ADAM32: variants seen among roughly 807,000 people sequenced by gnomAD.
ADAM32 encodes the protein ADAM metallopeptidase domain 32.
In ADAM32, 89 loss-of-function variants were observed where a neutral mutation model predicts 114.9. The observed-to-expected ratio is 0.77, with a 90% CI of 0.65 to 0.92. The LOEUF (loss-of-function observed/expected upper bound fraction) is 0.92, where lower values mean the gene tolerates loss of function less well. ADAM32 is among the 40% of genes least tolerant of loss of function. The pLI is 0.00. For missense variants in ADAM32, 870 were observed against 932.8 expected (o/e 0.93, Z 0.88); for synonymous variants, 285 against 307.5 (o/e 0.93, Z 0.77).
At chr8:39,228,025 G>A (rs1809501973) in intron 14 of ADAM32, among the ~76,000 whole-genome samples, 1 of 152,190 alleles carries the variant, frequency 6.6e-6, no homozygotes, top group Non-Finnish European at 1.5e-5. Flanking sequence ...ACACCCACCA[G>A]TACCAGCCTG....
At position 39,247,469 on chromosome 8, in the gene ADAM32, A is replaced by G. The variant is rs187474884; in HGVS notation, c.1902+1303A>G. On this transcript the variant is annotated intron_variant, in intron 17 of 24. Coordinates refer to ENST00000379907, the MANE Select transcript of ADAM32 (RefSeq NM_145004.7). The stretch of plus-strand genomic sequence containing the variant: ...TGATGACATATGTGAGGCATATTTC[A>G]TATACTTATTTTCCATCTATTTTTT... 5.2e-3 allele frequency among the ~76,000 whole-genome samples: 796 copies of G among 152,188 alleles called. 6 individuals are homozygous for G. The highest frequency in any genetic ancestry group is 0.018 in the African/African-American group (763 of 41,540).
intron 3 of ADAM32, among the ~76,000 whole-genome samples, chr8:39,137,102 C>T (rs991579076): frequency 1.3e-5 from 2 of 152,164 alleles, no homozygotes; most frequent in Non-Finnish European, 2.9e-5. Context: ...TAATACAGAC[C>T]TTATAGTGTT....
chr8:39,198,982 G>T (rs4733909), intron 11 of ADAM32, among the ~76,000 whole-genome samples: 150,790 of 152,340 alleles, frequency 0.99, 74,641 homozygotes, highest in Middle Eastern at 1. Context: ...CTTTGCTGTG[G>T]ATAATATTCT....
intron 15 of ADAM32, among the ~76,000 whole-genome samples, chr8:39,233,557 C>T (rs1419168077): frequency 1.3e-5 from 2 of 152,054 alleles, no homozygotes; most frequent in Non-Finnish European, 2.9e-5. Context: ...AGCTTATGAC[C>T]TGTATCTTAT....
rs1055597633 is a variant in ADAM32 at position 39,199,057 on chromosome 8, G to A, written c.1052+12012G>A. ...CTTTCATTCTCTCCTGGCCTATAAGGTTTCTGCTGAGAAATCTACATTTAT... is the reference window on the plus strand; with the variant it reads ...CTTTCATTCTCTCCTGGCCTATAAGATTTCTGCTGAGAAATCTACATTTAT... On this transcript the variant is annotated intron_variant, in intron 11 of 24. Transcript: ENST00000379907. Among the ~76,000 whole-genome samples, 4 of 152,190 alleles carry A rather than the reference G, an allele frequency of 2.6e-5. No individual in the cohort carries two copies. The East Asian group carries it at 7.7e-4, about 29-fold the overall frequency.
At chr8:39,234,152 A>G (rs1277644375) in intron 16 of ADAM32, 70 bp downstream of exon 16, 2 of 1,121,962 alleles carry the variant, frequency 1.8e-6, no homozygotes, top group Admixed American at 4.0e-5. Flanking sequence ...TTTAAGTATC[A>G]AATTTTAATT....
intron 17 of ADAM32, among the ~76,000 whole-genome samples, chr8:39,253,512 T>C (rs1355152186): frequency 6.6e-6 from 1 of 151,628 alleles, no homozygotes; most frequent in Non-Finnish European, 1.5e-5. Context: ...CATGATTGTA[T>C]ACACAGGAAA....
intron 10 of ADAM32, among the ~76,000 whole-genome samples, chr8:39,185,625 A>G (rs1309650498): frequency 7.9e-5 from 12 of 152,226 alleles, no homozygotes; most frequent in African/African-American, 2.4e-4. Context: ...GTCTAATTTC[A>G]GTTAACATGA....
chr8:39,173,184 G>A (rs753723244), intron 10 of ADAM32, among the ~76,000 whole-genome samples: 1 of 152,206 alleles, frequency 6.6e-6, no homozygotes, highest in Non-Finnish European at 1.5e-5. Flanking sequence ...CTTGAACCTG[G>A]GAGGCAGAGG....
intron 2 of ADAM32, among the ~76,000 whole-genome samples, chr8:39,125,084 A>C (rs1448921904): frequency 6.6e-6 from 1 of 152,146 alleles, no homozygotes; most frequent in African/African-American, 2.4e-5. Context: ...TGATTTGCGT[A>C]TCTCAAATGA....
chr8:39,129,792 C>T, intron 2 of ADAM32: 1 of 291,970 alleles, frequency 3.4e-6, no homozygotes, highest in African/African-American at 2.2e-5. Flanking sequence ...AATTCATCTG[C>T]ACCTTGGCCT....
At chr8:39,224,534 TTGA>T (rs1809210405) in intron 14 of ADAM32, among the ~76,000 whole-genome samples, 2 of 152,188 alleles carry the variant, frequency 1.3e-5, no homozygotes, top group African/African-American at 4.8e-5. Flanking sequence ...CATATATGTC[TTGA>T]TGAGTTGTAT....
intron 2 of ADAM32, among the ~76,000 whole-genome samples, chr8:39,128,778 T>C (rs1802263236): frequency 6.6e-6 from 1 of 152,182 alleles, no homozygotes; most frequent in South Asian, 2.1e-4. Context: ...TTATGCAGCT[T>C]AGTTTGGCCT....
chr8:39,153,994 A>G lies in ADAM32; in HGVS notation c.525+2446A>G, dbSNP rs143211514. Among the ~76,000 whole-genome samples, 208 of 150,156 alleles carry G rather than the reference A, an allele frequency of 1.4e-3. 1 individual carries two copies. The highest frequency in any genetic ancestry group is 4.5e-3 in the African/African-American group (185 of 41,054). ...GTTTGTCTGGACAAGTGTTGGAGGAAAGAAAAACAGCCAAGTAAAAGACAA... is the reference window on the plus strand; with the variant it reads ...GTTTGTCTGGACAAGTGTTGGAGGAGAGAAAAACAGCCAAGTAAAAGACAA... On this transcript the variant is annotated intron_variant, in intron 6 of 24. Transcript: ENST00000379907.
At chr8:39,221,271 G>T (rs1006492712) in intron 12 of ADAM32, 1 of 170,692 alleles carries the variant, frequency 5.9e-6, no homozygotes, top group Non-Finnish European at 1.2e-5. Flanking sequence ...ATTTTTCCAT[G>T]CCTTTATTTT....
At chr8:39,162,000 T>A (rs912251447) in intron 7 of ADAM32, among the ~76,000 whole-genome samples, 2 of 144,498 alleles carry the variant, frequency 1.4e-5, no homozygotes, top group East Asian at 4.0e-4. Context: ...TTATTTTATT[T>A]TATATATATA....
chr8:39,197,101 C>T (rs974401359), intron 11 of ADAM32, among the ~76,000 whole-genome samples: 1 of 152,016 alleles, frequency 6.6e-6, no homozygotes, highest in Non-Finnish European at 1.5e-5. Flanking sequence ...TTATCTGTTT[C>T]CTCTAGGTTT....
Position 39,137,805 on chromosome 8 carries a change from TTGTG to T in ADAM32, c.200+1091_200+1094del, listed in dbSNP as rs369396056. Among the ~76,000 whole-genome samples the T allele has an allele frequency of 3.6e-3, 548 of 150,386 alleles. 2 individuals carry two copies. Among genetic ancestry groups the T allele is most frequent in the African/African-American group, 0.013 (529 of 41,062 alleles). On this transcript the variant is annotated intron_variant, in intron 3 of 24. Transcript: ENST00000379907. ...AAAAAAGGTGTAAACAAGTGGTTTA[TTGTG>T]TGTAAGATACTAAATAATTTTCCCA...
intron 2 of ADAM32, among the ~76,000 whole-genome samples, chr8:39,133,376 T>C (rs1802583299): frequency 6.6e-6 from 1 of 152,250 alleles, no homozygotes; most frequent in Non-Finnish European, 1.5e-5. Flanking sequence ...TTTCTTCAAC[T>C]ATAATCAACA....
Sources: gnomAD v4.1 joint callset for allele counts (sites outside exome capture counted in the v4.1 genomes callset) on GRCh38, gnomAD v4.1.1 for gene constraint, MANE v1.5 for transcripts, NCBI Gene and HGNC (gene_info 2026-07-23, HGNC 2026-07-21) for gene names.